Variants in XIST observed in about 807,000 individuals in gnomAD.
XIST encodes X inactive specific transcript (non-protein coding).
exon 1 of XIST, chrX:73,849,689 GT>G (rs771432196): frequency 1.1e-5 from 6 of 558,380 alleles, no homozygotes; most frequent in Non-Finnish European, 1.9e-5. Context: ...CAAGGAGTCA[GT>G]ACTGAAGATC....
At chrX:73,837,972 A>AT (rs1335992495) in intron 1 of XIST, among the ~76,000 whole-genome samples, 1 of 111,809 alleles carries the variant, frequency 8.9e-6, no homozygotes, top group Non-Finnish European at 1.9e-5. Flanking sequence ...TCAAAAAGTT[A>AT]TTTTTTAAAA....
exon 6 of XIST, chrX:73,820,827 C>T (rs1398723263): frequency 7.2e-6 from 4 of 558,277 alleles, no homozygotes; most frequent in Admixed American, 4.4e-5. Flanking sequence ...CACATCAGTT[C>T]ACAAGTTCAA....
exon 6 of XIST, chrX:73,822,258 C>T (rs751554958): frequency 1.1e-5 from 6 of 556,541 alleles, no homozygotes; most frequent in African/African-American, 6.7e-5. Flanking sequence ...GTTCCTGTAA[C>T]TTAAGGAGCA....
At chrX:73,846,754 G>T in exon 1 of XIST, 2 of 559,155 alleles carry the variant, frequency 3.6e-6, no homozygotes, top group Non-Finnish European at 6.5e-6. Flanking sequence ...CCAAGAAATG[G>T]GGCCTTAGGT....
chrX:73,844,673 C>G (rs779975826), exon 1 of XIST: 2 of 558,223 alleles, frequency 3.6e-6, no homozygotes, highest in Admixed American at 4.4e-5. Context: ...GCTTCCTTGT[C>G]TAGTACACAG....
At position 73,828,815 on chromosome X, in the gene XIST, T is replaced by G. The variant is rs1039685577; in HGVS notation, n.11916+253A>C. 87 of 274,047 alleles carry G rather than the reference T, an allele frequency of 3.2e-4. 1 individual carries two copies. Among genetic ancestry groups the G allele is most frequent in the Admixed American group, 3.2e-3 (55 of 17,451 alleles). The allele number at this position is 274,047 out of a possible 1,213,427, so 22.6% of individuals were successfully genotyped here. ...AAGGCTCTAAGAATGACAGAGGGCC[T>G]ATACAGTGAAGACATAGAACACACA... is the stretch of plus-strand genomic sequence containing the variant. On this transcript the variant is annotated intron_variant and non_coding_transcript_variant, in intron 5 of 5. Transcript: ENST00000429829.
exon 6 of XIST, chrX:73,824,016 A>G (rs749816338): frequency 3.3e-5 from 18 of 553,028 alleles, no homozygotes; most frequent in Non-Finnish European, 5.9e-5. Flanking sequence ...TTGTAGGTTC[A>G]ATAATGATAA....
At chrX:73,822,919 G>C in exon 6 of XIST, 1 of 558,622 alleles carries the variant, frequency 1.8e-6, no homozygotes, top group Non-Finnish European at 3.2e-6. Flanking sequence ...CAGTCTCTTA[G>C]AGAATTTGTT....
intron 1 of XIST, among the ~76,000 whole-genome samples, chrX:73,838,058 A>C (rs916103856): frequency 7.2e-5 from 8 of 111,833 alleles, no homozygotes; most frequent in Non-Finnish European, 1.5e-4. Context: ...GCTGTAAAAA[A>C]TAAGTCGTAA....
chrX:73,850,647 T>C (rs1268394258), exon 1 of XIST: 1 of 493,813 alleles, frequency 2.0e-6, no homozygotes, highest in Admixed American at 2.7e-5. Flanking sequence ...CCTGGAGCAC[T>C]GCCCATGGCA....
exon 1 of XIST, chrX:73,842,813 GAGGGA>G (rs1268944151): frequency 1.8e-6 from 1 of 558,784 alleles, no homozygotes; most frequent in Non-Finnish European, 3.2e-6. Context: ...GGGCAGGGCA[GAGGGA>G]AGGGAAGAGG....
intron 1 of XIST, among the ~76,000 whole-genome samples, chrX:73,839,316 A>C (rs58762853): frequency 0.093 from 10,376 of 111,416 alleles, 603 homozygotes; most frequent in African/African-American, 0.21. Flanking sequence ...CTACATGTTA[A>C]GGTTTTATAA....
At chrX:73,845,065 G>A in exon 1 of XIST, 1 of 557,526 alleles carries the variant, frequency 1.8e-6, no homozygotes, top group Non-Finnish European at 3.2e-6. Flanking sequence ...AGGGGTCTGA[G>A]AGTAGGACCT....
At chrX:73,822,618 G>A in exon 6 of XIST, 1 of 515,884 alleles carries the variant, frequency 1.9e-6, no homozygotes, top group Non-Finnish European at 3.5e-6. Context: ...TTCTGTTTAG[G>A]ATTTAACAAA....
exon 6 of XIST, chrX:73,825,798 C>T: frequency 1.9e-6 from 1 of 529,080 alleles, no homozygotes; most frequent in Non-Finnish European, 3.4e-6. Context: ...ATTGCCAATA[C>T]ACTAATTGGT....
exon 1 of XIST, chrX:73,846,863 CA>C: frequency 1.8e-6 from 1 of 558,976 alleles, no homozygotes; most frequent in Non-Finnish European, 3.2e-6. Context: ...AATAGTACCC[CA>C]TGCAATAAAG....
exon 6 of XIST, chrX:73,823,974 G>A: frequency 1.8e-6 from 1 of 553,235 alleles, no homozygotes; most frequent in South Asian, 2.3e-5. Flanking sequence ...GTATAGAACT[G>A]TAGGCTTTGT....
At chrX:73,844,338 T>C (rs751936383) in exon 1 of XIST, 5 of 558,320 alleles carry the variant, frequency 9.0e-6, no homozygotes, top group Non-Finnish European at 1.6e-5. Flanking sequence ...TATAAGAATC[T>C]TAAAAAGTAG....
chrX:73,848,506 A>G, exon 1 of XIST: 1 of 558,216 alleles, frequency 1.8e-6, no homozygotes, highest in South Asian at 2.2e-5. Context: ...GACAAATACA[A>G]TTATGAACAT....
Sources: allele counts gnomAD v4.1 joint callset (sites outside exome capture counted in the v4.1 genomes callset), GRCh38; gene constraint gnomAD v4.1.1; transcripts MANE v1.5; gene names NCBI Gene and HGNC (gene_info 2026-07-23, HGNC 2026-07-21).